HDAC9: variants seen among roughly 807,000 people sequenced by gnomAD.
HDAC9 encodes the protein MEF-2 interacting transcription repressor (MITR) protein.
Under a neutral mutation model 139.4 loss-of-function variants are expected in HDAC9, and 41 were observed. The observed-to-expected ratio is 0.29, with a 90% CI of 0.23 to 0.38. The LOEUF is 0.38. Ranked by LOEUF, HDAC9 falls within the 10% of genes least tolerant of loss-of-function variation. HDAC9 has a pLI of 1.00. For missense variants in HDAC9, 1,147 were observed against 1,297.0 expected (o/e 0.88, Z 1.78); for synonymous variants, 517 against 476.2 (o/e 1.09, Z -1.12).
At chr7:18,788,033 C>A (rs548899776) in intron 16 of HDAC9, among the ~76,000 whole-genome samples, 104 of 152,216 alleles carry the variant, frequency 6.8e-4, no homozygotes, top group African/African-American at 2.2e-3. Context: ...TGAAGGGGTA[C>A]CTGGATCCTC....
chr7:18,135,335 A>G (rs1207811669), intron 1 of HDAC9, among the ~76,000 whole-genome samples: 3 of 143,350 alleles, frequency 2.1e-5, no homozygotes, highest in Non-Finnish European at 4.5e-5. Flanking sequence ...AAGTTTTAGG[A>G]TACATGTGCA....
chr7:18,092,250 C>T (rs555656751), intron 1 of HDAC9, among the ~76,000 whole-genome samples: 7 of 152,080 alleles, frequency 4.6e-5, no homozygotes, highest in African/African-American at 7.2e-5. Flanking sequence ...ATTACCTGAA[C>T]GTGATGGTGT....
intron 12 of HDAC9, among the ~76,000 whole-genome samples, chr7:18,671,035 G>A (rs1356875693): frequency 6.6e-6 from 1 of 151,868 alleles, no homozygotes; most frequent in Non-Finnish European, 1.5e-5. Context: ...TTAACTTTTA[G>A]GGGAAGGAGA....
At chr7:18,671,075 T>A (rs1028704753) in intron 12 of HDAC9, among the ~76,000 whole-genome samples, 1 of 151,974 alleles carries the variant, frequency 6.6e-6, no homozygotes, top group African/African-American at 2.4e-5. Flanking sequence ...GAGCTCTCCT[T>A]TACTTCTTAG....
chr7:18,855,448 C>A (rs1029379993), intron 21 of HDAC9, among the ~76,000 whole-genome samples: 2 of 151,938 alleles, frequency 1.3e-5, no homozygotes, highest in Non-Finnish European at 2.9e-5. Context: ...CTATCCACCT[C>A]ATTTCTATCA....
At chr7:18,402,056 C>T (rs1295293866) in intron 1 of HDAC9, among the ~76,000 whole-genome samples, 2 of 152,038 alleles carry the variant, frequency 1.3e-5, no homozygotes, top group African/African-American at 4.8e-5. Flanking sequence ...TTGTAAATGC[C>T]TTCAGTACCT....
At chr7:18,328,298 T>A (rs1433004473) in intron 1 of HDAC9, among the ~76,000 whole-genome samples, 2 of 151,866 alleles carry the variant, frequency 1.3e-5, no homozygotes, top group African/African-American at 4.8e-5. Flanking sequence ...GGGGCTGGAC[T>A]CACAGTTTCT....
At chr7:18,938,977 A>G (rs1443519786) in intron 23 of HDAC9, among the ~76,000 whole-genome samples, 1 of 152,250 alleles carries the variant, frequency 6.6e-6, no homozygotes, top group African/African-American at 2.4e-5. Flanking sequence ...ATTAAACCTG[A>G]CCATGTGAGT....
intron 17 of HDAC9, among the ~76,000 whole-genome samples, chr7:18,814,374 G>T (rs757711636): frequency 1.3e-5 from 2 of 152,066 alleles, no homozygotes; most frequent in African/African-American, 4.8e-5. Flanking sequence ...ATTTATGTTT[G>T]TTTTTATCTT....
At chr7:18,265,933 C>T (rs1409481762) in intron 2 of HDAC9, among the ~76,000 whole-genome samples, 11 of 152,116 alleles carry the variant, frequency 7.2e-5, no homozygotes, top group Admixed American at 7.2e-4. Flanking sequence ...TAATACCACA[C>T]CGAAACTTCA....
At chr7:18,442,721 C>T (rs1791903407) in intron 1 of HDAC9, among the ~76,000 whole-genome samples, 1 of 152,174 alleles carries the variant, frequency 6.6e-6, no homozygotes, top group South Asian at 2.1e-4. Flanking sequence ...ATTCTTTAGA[C>T]TCTAGTGTCA....
At chr7:18,829,934 CT>C (rs1795737026) in intron 19 of HDAC9, among the ~76,000 whole-genome samples, 1 of 149,494 alleles carries the variant, frequency 6.7e-6, no homozygotes, top group Non-Finnish European at 1.5e-5. Context: ...CCACTTCCCC[CT>C]GGTTAGAAAT....
chr7:18,778,685 C>T (rs1021318586), intron 16 of HDAC9, among the ~76,000 whole-genome samples: 1 of 152,098 alleles, frequency 6.6e-6, no homozygotes, highest in East Asian at 1.9e-4. Flanking sequence ...GGCCACATAA[C>T]CCACAGGAAT....
chr7:18,133,585 G>A (rs970668114), intron 1 of HDAC9, among the ~76,000 whole-genome samples: 2 of 152,258 alleles, frequency 1.3e-5, no homozygotes, highest in African/African-American at 4.8e-5. Flanking sequence ...ATGTTATTCA[G>A]CAGATATGAA....
At chr7:18,405,000 T>C (rs1787878750) in intron 1 of HDAC9, among the ~76,000 whole-genome samples, 1 of 152,168 alleles carries the variant, frequency 6.6e-6, no homozygotes, top group Non-Finnish European at 1.5e-5. Context: ...CTTACTTAGA[T>C]GGGGACTATG....
At chr7:18,644,824 A>T in intron 9 of HDAC9, 31 bp downstream of exon 9, 1 of 1,582,952 alleles carries the variant, frequency 6.3e-7, no homozygotes, top group Non-Finnish European at 8.6e-7. Flanking sequence ...AGCCTTAATC[A>T]ACCTAAGCAA....
intron 1 of HDAC9, among the ~76,000 whole-genome samples, chr7:18,435,395 C>T (rs748488458): frequency 6.6e-6 from 1 of 151,708 alleles, no homozygotes; most frequent in Admixed American, 6.6e-5. Flanking sequence ...ACATGTACCC[C>T]GGAACTGAAA....
rs1806945275 is a variant in HDAC9 at position 18,526,421 on chromosome 7, T to C, written c.22+30097T>C. On this transcript the variant is annotated intron_variant, in intron 2 of 25. Transcript: ENST00000686413. ...TTATGAGCAATGGAAACTTTTGTTG[T>C]AGATATTTCAACTGACACTGTGCCT... is the stretch of plus-strand genomic sequence containing the variant. Among the ~76,000 whole-genome samples the C allele has an allele frequency of 2.0e-5, 3 of 152,220 alleles. No homozygotes were observed. In the South Asian group the frequency reaches 6.2e-4, roughly 31 times the overall value.
At chr7:18,236,062 TG>T (rs1273468785) in intron 2 of HDAC9, among the ~76,000 whole-genome samples, 1 of 152,202 alleles carries the variant, frequency 6.6e-6, no homozygotes, top group Non-Finnish European at 1.5e-5. Context: ...GTTGTTTTGT[TG>T]TCAAACGCAG....
Sources: allele counts gnomAD v4.1 joint callset (sites outside exome capture counted in the v4.1 genomes callset), GRCh38; gene constraint gnomAD v4.1.1; transcripts MANE v1.5; gene names NCBI Gene and HGNC (gene_info 2026-07-23, HGNC 2026-07-21).